TENM2: variants seen among roughly 807,000 people sequenced by gnomAD.
TENM2 encodes teneurin transmembrane protein 2.
Under a neutral mutation model 245.2 loss-of-function variants are expected in TENM2, and 52 were observed. The observed-to-expected ratio is 0.21, with a 90% CI of 0.17 to 0.27. The LOEUF (loss-of-function observed/expected upper bound fraction) is 0.27. Among genes scored for constraint, TENM2 ranks in the 10% least tolerant of loss-of-function variants. TENM2 has a pLI of 1.00. For missense variants in TENM2, 3,046 were observed against 3,666.8 expected (o/e 0.83, Z 4.37); for synonymous variants, 1,363 against 1,438.9 (o/e 0.95, Z 1.19).
intron 2 of TENM2, among the ~76,000 whole-genome samples, chr5:167,870,483 T>C (rs1772709575): frequency 6.6e-6 from 1 of 151,694 alleles, no homozygotes; most frequent in Non-Finnish European, 1.5e-5. Flanking sequence ...CTCAGTTTCC[T>C]TACCTGTAAA....
At position 168,194,292 on chromosome 5, in the gene TENM2, A is replaced by G. The variant is rs1761197394; in HGVS notation, c.2781-884A>G. Among the ~76,000 whole-genome samples the G allele has an allele frequency of 3.3e-5, 5 of 152,174 alleles. No individual in the cohort carries two copies. The South Asian group carries it at 1.0e-3, about 32-fold the overall frequency. On this transcript the variant is annotated intron_variant, in intron 14 of 28. Coordinates refer to ENST00000518659, the Ensembl canonical transcript of TENM2. The stretch of plus-strand genomic sequence containing the variant: ...AAGTCAAGAGAATTCAGATGAGAGG[A>G]GGCATGCACATTCTCCCTCCATGGA...
At chr5:167,790,174 G>T (rs1317663270) in intron 2 of TENM2, among the ~76,000 whole-genome samples, 1 of 151,850 alleles carries the variant, frequency 6.6e-6, no homozygotes, top group Non-Finnish European at 1.5e-5. Context: ...CAGAGCTTCC[G>T]TTCGTGTCAG....
At chr5:167,090,967 T>A in the TENM2 span, among the ~76,000 whole-genome samples, 1 of 152,216 alleles carries the variant, frequency 6.6e-6, no homozygotes. Context: ...GCTTTCTGCT[T>A]TCCCAGCAGC....
At chr5:168,238,799 A>G (rs1765836141) in intron 25 of TENM2, among the ~76,000 whole-genome samples, 1 of 152,226 alleles carries the variant, frequency 6.6e-6, no homozygotes, top group African/African-American at 2.4e-5. Context: ...CTCTGCAAAA[A>G]TAAAAAAGCA....
chr5:168,227,327 T>TTGAG (rs544000480), intron 24 of TENM2, among the ~76,000 whole-genome samples: 26 of 152,266 alleles, frequency 1.7e-4, no homozygotes, highest in East Asian at 1.5e-3. Flanking sequence ...CAGAGTTCTC[T>TTGAG]TGAGTGGGGG....
intron 2 of TENM2, among the ~76,000 whole-genome samples, chr5:167,542,738 T>C (rs1023671012): frequency 2.6e-5 from 4 of 152,300 alleles, no homozygotes; most frequent in South Asian, 4.1e-4. Context: ...TGGTTTTTTT[T>C]CTGTCAACTA....
chr5:168,088,596 G>T (rs1435253048), intron 7 of TENM2, among the ~76,000 whole-genome samples: 1 of 152,144 alleles, frequency 6.6e-6, no homozygotes, highest in Non-Finnish European at 1.5e-5. Flanking sequence ...TAAAATGGTT[G>T]TTATCTTCCT....
chr5:168,045,495 T>C (rs1788532910), intron 5 of TENM2, among the ~76,000 whole-genome samples: 1 of 152,184 alleles, frequency 6.6e-6, no homozygotes, highest in Non-Finnish European at 1.5e-5. Flanking sequence ...CAGAGCAGTT[T>C]TGACAAGAGT....
intron 2 of TENM2, among the ~76,000 whole-genome samples, chr5:167,810,261 C>A (rs1040934253): frequency 6.6e-6 from 1 of 151,994 alleles, no homozygotes; most frequent in Non-Finnish European, 1.5e-5. Context: ...GACTCTGACA[C>A]TAATAGTATT....
chr5:168,223,095 T>A (rs1763811389), intron 23 of TENM2, among the ~76,000 whole-genome samples: 1 of 152,230 alleles, frequency 6.6e-6, no homozygotes. Flanking sequence ...TTGGGGGAAG[T>A]AAGTAGAGCT....
intron 3 of TENM2, among the ~76,000 whole-genome samples, chr5:167,909,580 T>C (rs1448685018): frequency 6.6e-6 from 1 of 152,246 alleles, no homozygotes; most frequent in Non-Finnish European, 1.5e-5. Flanking sequence ...AGAGGTTTTT[T>C]ACAGCCTTAA....
intron 2 of TENM2, among the ~76,000 whole-genome samples, chr5:167,741,775 C>G (rs758220105): frequency 3.3e-5 from 5 of 152,186 alleles, no homozygotes; most frequent in Non-Finnish European, 7.3e-5. Context: ...TGACGCTTCA[C>G]CATCTTCAGC....
the TENM2 span, among the ~76,000 whole-genome samples, chr5:167,046,484 G>A: frequency 0.63 from 95,407 of 151,982 alleles, 32,012 homozygotes; most frequent in African/African-American, 0.88. Flanking sequence ...GTTGAAATGC[G>A]TGCCTACTTA....
the TENM2 span, among the ~76,000 whole-genome samples, chr5:167,205,408 AAT>A: frequency 1.3e-5 from 2 of 151,952 alleles, no homozygotes; most frequent in Non-Finnish European, 2.9e-5. Context: ...TAAAAATATA[AAT>A]AGTGTTTCCT....
intron 1 of TENM2, among the ~76,000 whole-genome samples, chr5:167,336,165 T>C (rs1478392554): frequency 6.6e-6 from 1 of 150,884 alleles, no homozygotes; most frequent in African/African-American, 2.4e-5. Flanking sequence ...CCAATGTTCT[T>C]TTCATTTCTC....
chr5:167,916,999 G>A (rs147972552), intron 3 of TENM2, among the ~76,000 whole-genome samples: 1 of 152,294 alleles, frequency 6.6e-6, no homozygotes, highest in Non-Finnish European at 1.5e-5. Flanking sequence ...CCCAGGGCTA[G>A]GGCAGGAAGG....
At chr5:167,925,029 A>T (rs1478646436) in intron 3 of TENM2, among the ~76,000 whole-genome samples, 1 of 152,004 alleles carries the variant, frequency 6.6e-6, no homozygotes, top group Non-Finnish European at 1.5e-5. Context: ...ATCAGTATTG[A>T]CCCCCCAAAT....
At chr5:168,080,030 T>G (rs1293609003) in intron 7 of TENM2, among the ~76,000 whole-genome samples, 1 of 152,186 alleles carries the variant, frequency 6.6e-6, no homozygotes, top group Non-Finnish European at 1.5e-5. Context: ...TGTACCTCTG[T>G]TAGAATTTGG....
intron 4 of TENM2, among the ~76,000 whole-genome samples, chr5:167,986,387 A>T (rs903951380): frequency 6.6e-6 from 1 of 152,234 alleles, no homozygotes; most frequent in African/African-American, 2.4e-5. Context: ...CCTTTGCCTT[A>T]CTATTCCATC....
Sources: gnomAD v4.1 joint callset for allele counts (sites outside exome capture counted in the v4.1 genomes callset) on GRCh38, gnomAD v4.1.1 for gene constraint, MANE v1.5 for transcripts, NCBI Gene and HGNC (gene_info 2026-07-23, HGNC 2026-07-21) for gene names.